The following SULF2 variants were observed in gnomAD, a reference collection of about 807,000 sequenced individuals.
SULF2 encodes the protein sulfatase 2.
Under a neutral mutation model 107.7 loss-of-function variants are expected in SULF2, and 52 were observed. The observed-to-expected ratio is 0.48, with a 90% CI of 0.39 to 0.61. SULF2 has a LOEUF of 0.61. Among genes scored for constraint, SULF2 ranks in the 20% least tolerant of loss-of-function variants. The pLI, the probability that SULF2 is intolerant of heterozygous loss-of-function variation, is 0.00. For missense variants in SULF2, 993 were observed against 1,177.3 expected (o/e 0.84, Z 2.29); for synonymous variants, 460 against 464.3 (o/e 0.99, Z 0.12).
chr20:47,746,331 T>C (rs748269788), intron 2 of SULF2, among the ~76,000 whole-genome samples: 1 of 152,026 alleles, frequency 6.6e-6, no homozygotes, highest in Non-Finnish European at 1.5e-5. Flanking sequence ...CCTGGACAGG[T>C]GGGGGATGAA....
chr20:47,697,267 T>A (rs2088411125), intron 4 of SULF2, among the ~76,000 whole-genome samples: 2 of 152,222 alleles, frequency 1.3e-5, no homozygotes. Context: ...CCACTGCCTC[T>A]CTTTCTGCCC....
chr20:47,763,360 C>T lies in SULF2; in HGVS notation c.-100-5897G>A, dbSNP rs548359850. ...TGAGTGACTGATGCCCTCACCTTCCCAATGCCACAAACCACAGCGGTGAAC... is the reference window on the plus strand; with the variant it reads ...TGAGTGACTGATGCCCTCACCTTCCTAATGCCACAAACCACAGCGGTGAAC... On this transcript the variant is annotated intron_variant, in intron 1 of 20. Transcript: ENST00000688720. Among the ~76,000 whole-genome samples the T allele has an allele frequency of 1.4e-4, 22 of 152,342 alleles. No homozygotes were observed. In the South Asian group the frequency reaches 4.6e-3, roughly 32 times the overall value.
At chr20:47,727,827 G>A (rs1177699356) in intron 3 of SULF2, among the ~76,000 whole-genome samples, 5 of 152,204 alleles carry the variant, frequency 3.3e-5, no homozygotes, top group East Asian at 1.9e-4. Flanking sequence ...CGCTTAAGGC[G>A]GAGTCTAATT....
At position 47,680,930 on chromosome 20, in the gene SULF2, T is replaced by G. The variant is rs1405436527; in HGVS notation, c.1064+2064A>C. 6.6e-6 allele frequency among the ~76,000 whole-genome samples: 1 copy of G among 152,180 alleles called. No homozygotes were observed. The highest frequency in any genetic ancestry group is 6.5e-5 in the Admixed American group (1 of 15,268). On this transcript the variant is annotated intron_variant, in intron 7 of 20. Coordinates refer to ENST00000688720, the MANE Select transcript of SULF2 (RefSeq NM_001387048.1). The surrounding 1 kb of genome is among the most constrained non-coding windows in gnomAD (Gnocchi z 4.2). The stretch of plus-strand genomic sequence containing the variant: ...GCCCCATTCAGAGTCCCCTGCCCAA[T>G]GTACTCAGCCTGGTTACTCAAGGGT...
At chr20:47,730,037 T>C (rs1369561093) in intron 3 of SULF2, among the ~76,000 whole-genome samples, 1 of 148,148 alleles carries the variant, frequency 6.8e-6, no homozygotes, top group Non-Finnish European at 1.5e-5. Context: ...GGTGGGGTCA[T>C]CAGGACACAG....
chr20:47,752,465 C>T (rs11906918), intron 2 of SULF2, among the ~76,000 whole-genome samples: 431 of 151,886 alleles, frequency 2.8e-3, no homozygotes, highest in African/African-American at 9.8e-3. Flanking sequence ...TGCAGCGGCT[C>T]GCACCTGCAA....
At chr20:47,786,284 T>C (rs2122811628), upstream of SULF2, 1 of 152,144 alleles carries the variant, frequency 6.6e-6, no homozygotes, top group South Asian at 2.1e-4. Flanking sequence ...TTCCGCTTTC[T>C]TCTTCTCCTC....
chr20:47,659,658 G>A (rs753877656), intron 19 of SULF2, 39 bp downstream of exon 19: 12 of 1,579,206 alleles, frequency 7.6e-6, no homozygotes, highest in Middle Eastern at 1.7e-4. Context: ...GGCCAAGATA[G>A]GAGAACTTTG....
At chr20:47,767,185 A>G (rs1261385816) in intron 1 of SULF2, among the ~76,000 whole-genome samples, 1 of 152,230 alleles carries the variant, frequency 6.6e-6, no homozygotes. Flanking sequence ...TCATCTGGAA[A>G]GTGAGGACAC....
chr20:47,664,432 G>C (rs978170417), intron 14 of SULF2, among the ~76,000 whole-genome samples: 1 of 152,242 alleles, frequency 6.6e-6, no homozygotes, highest in African/African-American at 2.4e-5. Context: ...TTAGCAGGTT[G>C]GGTTAATTGT....
At chr20:47,781,778 T>C (rs553689318) in intron 1 of SULF2, among the ~76,000 whole-genome samples, 41 of 152,204 alleles carry the variant, frequency 2.7e-4, no homozygotes, top group African/African-American at 9.4e-4. Flanking sequence ...AAAGGTTAAG[T>C]AGCATGCCCC....
chr20:47,690,024 G>A, intron 5 of SULF2, 102 bp downstream of exon 5: 1 of 1,134,326 alleles, frequency 8.8e-7, no homozygotes, highest in Middle Eastern at 2.3e-4. Flanking sequence ...GATTAGAGAG[G>A]AGGCACAGTG....
At chr20:47,745,364 T>C (rs773229406) in intron 2 of SULF2, among the ~76,000 whole-genome samples, 14 of 121,950 alleles carry the variant, frequency 1.1e-4, no homozygotes, top group South Asian at 2.7e-4. Flanking sequence ...CTTCTCAGGG[T>C]TGTTCTGAGT....
rs80291867 is a variant in SULF2, at chr20:47,733,159, T to A, written c.415+3544A>T. Among the ~76,000 whole-genome samples, 1,392 of 152,256 alleles carry A rather than the reference T, an allele frequency of 9.1e-3. 23 individuals are homozygous for A. The highest frequency in any genetic ancestry group is 0.03 in the African/African-American group (1,232 of 41,554). Reference sequence around the variant, plus strand: ...GCTCAAAAAACACATGCAAATCCACTGACGAATAATTACCTGGTCTATAAA... The same window carrying A: ...GCTCAAAAAACACATGCAAATCCACAGACGAATAATTACCTGGTCTATAAA... On this transcript the variant is annotated intron_variant, in intron 3 of 20. Transcript: ENST00000688720.
chr20:47,686,446 G>T (rs1173066072), intron 5 of SULF2: 1 of 152,238 alleles, frequency 6.6e-6, no homozygotes, highest in Non-Finnish European at 1.5e-5. Context: ...CTCACAAAAC[G>T]TGGGCTTCCT....
chr20:47,742,030 C>T (rs1297711365), intron 2 of SULF2, among the ~76,000 whole-genome samples: 1 of 152,210 alleles, frequency 6.6e-6, no homozygotes, highest in African/African-American at 2.4e-5. Flanking sequence ...AATCAGCTGG[C>T]GGAGGAGCGC....
At chr20:47,717,276 C>G (rs963027394) in intron 3 of SULF2, among the ~76,000 whole-genome samples, 2 of 152,154 alleles carry the variant, frequency 1.3e-5, no homozygotes, top group African/African-American at 4.8e-5. Context: ...CCCTATTTTA[C>G]AGATGGAGAA....
chr20:47,770,955 A>G (rs1476530724), intron 1 of SULF2, among the ~76,000 whole-genome samples: 1 of 152,186 alleles, frequency 6.6e-6, no homozygotes, highest in Non-Finnish European at 1.5e-5. Context: ...ACGTCTGGCC[A>G]GATTCAAGGG....
chr20:47,661,330 C>G (rs2087059579), intron 18 of SULF2: 1 of 152,682 alleles, frequency 6.5e-6, no homozygotes, highest in Non-Finnish European at 1.5e-5. Context: ...GTGCCCTTCC[C>G]CAGTCACACT....
Sources: gnomAD v4.1 joint callset for allele counts (sites outside exome capture counted in the v4.1 genomes callset) on GRCh38, gnomAD v4.1.1 for gene constraint, Gnocchi (gnomAD v3.1) non-coding constraint, MANE v1.5 for transcripts, NCBI Gene and HGNC (gene_info 2026-07-23, HGNC 2026-07-21) for gene names.